Variants in HCK observed in about 807,000 individuals in gnomAD.
HCK encodes the protein tyrosine-protein kinase HCK.
A neutral mutation model predicts 70.4 loss-of-function variants in HCK; 40 were observed. That is an observed-to-expected ratio of 0.57 (90% CI 0.44 to 0.74). The LOEUF (loss-of-function observed/expected upper bound fraction) is 0.74, where lower values mean the gene tolerates loss of function less well. Ranked by LOEUF, HCK falls within the 30% of genes least tolerant of loss-of-function variation. The pLI, the probability that HCK is intolerant of heterozygous loss-of-function variation, is 0.00. For missense variants in HCK, 568 were observed against 697.2 expected, an observed-to-expected ratio of 0.81 and a Z score of 2.09; for synonymous variants, 245 against 263.2, an observed-to-expected ratio of 0.93 and a Z score of 0.67.
At chr20:32,094,812 A>AGAAAGAAAGAAAGAAAGAAG (rs2045929179) in intron 11 of HCK, among the ~76,000 whole-genome samples, 2 of 106,282 alleles carry the variant, frequency 1.9e-5, no homozygotes, top group Admixed American at 2.2e-4. Flanking sequence ...AAAGAAAGAA[A>AGAAAGAAAGAAAGAAAGAAG]GAAAGAAAGA....
At chr20:32,071,949 C>A in intron 2 of HCK, 167 bp downstream of exon 2, 1 of 789,404 alleles carries the variant, frequency 1.3e-6, no homozygotes, top group Non-Finnish European at 1.9e-6. Context: ...GCAGCGCCAG[C>A]CAGCATGCAT....
chr20:32,058,499 C>G (rs2045308734), intron 1 of HCK, among the ~76,000 whole-genome samples: 1 of 148,924 alleles, frequency 6.7e-6, no homozygotes, highest in African/African-American at 2.5e-5. Context: ...CCACTGCACT[C>G]CAGCCTGGGC....
In HCK at chr20:32,094,710, A is replaced by AAAG. The variant is rs769158026; in HGVS notation, c.1246+697_1246+699dup. ...AAAAGAAAAGAAAAGAAAAGAAAAG[A>AAAG]AAGAAAGAAAGAAAGAAAGAAAGAA... On this transcript the variant is annotated intron_variant, in intron 11 of 12. Coordinates refer to ENST00000375852, the MANE Select transcript of HCK (RefSeq NM_002110.5). Among the ~76,000 whole-genome samples, 175 of 50,384 alleles carry AAAG rather than the reference A, an allele frequency of 3.5e-3. 5 individuals carry two copies. Among genetic ancestry groups the AAAG allele is most frequent in the African/African-American group, 7.9e-3 (170 of 21,648 alleles). 33.1% of individuals were successfully genotyped at this position (50,384 alleles called of 152,430 possible).
chr20:32,061,225 G>A (rs1449618106), intron 1 of HCK, among the ~76,000 whole-genome samples: 8 of 152,060 alleles, frequency 5.3e-5, no homozygotes, highest in Non-Finnish European at 4.4e-5. Flanking sequence ...CTTGTGATTC[G>A]CCCGCCTTGG....
At chr20:32,082,202 G>T (rs2045717204) in intron 6 of HCK, among the ~76,000 whole-genome samples, 1 of 152,102 alleles carries the variant, frequency 6.6e-6, no homozygotes, top group African/African-American at 2.4e-5. Flanking sequence ...CTTACCCCAT[G>T]AGGTTATTCA....
intron 5 of HCK, among the ~76,000 whole-genome samples, chr20:32,076,385 GTTT>G (rs2045626654): frequency 6.6e-6 from 1 of 152,034 alleles, no homozygotes. Flanking sequence ...GCTCTTAGCT[GTTT>G]CTCTCTCCTT....
chr20:32,093,733 G>A (rs1383958731), intron 10 of HCK, 130 bp from the exon 11 acceptor site: 10 of 828,790 alleles, frequency 1.2e-5, no homozygotes, highest in African/African-American at 3.5e-5. Context: ...GGGCCCTCCC[G>A]ACACAAAAGG....
chr20:32,085,740 G>A (rs1382015261), intron 8 of HCK, among the ~76,000 whole-genome samples: 6 of 152,078 alleles, frequency 3.9e-5, no homozygotes, highest in African/African-American at 1.4e-4. Context: ...AGCAGGGTGG[G>A]GTGAGGGGAG....
chr20:32,071,849 C>T lies in HCK; in HGVS notation c.183+67C>T, dbSNP rs568600746. The T allele has an allele frequency of 2.6e-6, 4 of 1,565,470 alleles. No individual in the cohort carries two copies. In the South Asian group the frequency reaches 3.6e-5, roughly 14 times the overall value. ...GCTGCCCCAACATTGCCCTAACAGC[C>T]TCCTGTCTTCCCAAGGTTGGGCAGG... On this transcript the variant is annotated intron_variant, in intron 2 of 12. Transcript: ENST00000375852.
At chr20:32,088,673 G>A (rs2045823401) in intron 10 of HCK, 29 bp downstream of exon 10, 1 of 1,583,688 alleles carries the variant, frequency 6.3e-7, no homozygotes, top group African/African-American at 1.4e-5. Flanking sequence ...AACGGGGAAG[G>A]GAAACAGGAA....
Position 32,080,102 on chromosome 20 carries a change from A to G in HCK, c.532+225A>G, listed in dbSNP as rs537918269. On this transcript the variant is annotated intron_variant, in intron 6 of 12. Coordinates refer to ENST00000375852, the MANE Select transcript of HCK (RefSeq NM_002110.5). ...CATAGCTGCCAGCTTAGGTCAGTGG[A>G]ACTAGTGCCAGGTGGCTTAGGCCCT... Among the ~76,000 whole-genome samples, 4 of 152,342 alleles carry G rather than the reference A, an allele frequency of 2.6e-5. No homozygotes were observed. The South Asian group carries it at 8.3e-4, about 32-fold the overall frequency.
intron 1 of HCK, among the ~76,000 whole-genome samples, chr20:32,065,692 TA>T (rs1372074181): frequency 1.3e-5 from 2 of 152,176 alleles, no homozygotes; most frequent in Non-Finnish European, 2.9e-5. Flanking sequence ...CGTATATGCC[TA>T]CAACTGAACC....
intron 10 of HCK, among the ~76,000 whole-genome samples, chr20:32,092,655 C>T (rs961375231): frequency 1.3e-5 from 2 of 152,048 alleles, no homozygotes; most frequent in African/African-American, 4.8e-5. Flanking sequence ...TCCTGACCTA[C>T]AAGGCAGTTC....
chr20:32,077,856 TC>T (rs1471250674), intron 5 of HCK, among the ~76,000 whole-genome samples: 1 of 152,040 alleles, frequency 6.6e-6, no homozygotes, highest in Non-Finnish European at 1.5e-5. Context: ...AGGGCGTCTG[TC>T]CTGTAGATGT....
intron 12 of HCK, among the ~76,000 whole-genome samples, 185 bp downstream of exon 12, chr20:32,099,320 T>C (rs1299951282): frequency 6.6e-6 from 1 of 150,834 alleles, no homozygotes; most frequent in Non-Finnish European, 1.5e-5. Flanking sequence ...GGGGGCTTCC[T>C]TGGCCCTTCC....
chr20:32,085,380 G>A (rs899774231), intron 8 of HCK, among the ~76,000 whole-genome samples: 5 of 152,016 alleles, frequency 3.3e-5, no homozygotes, highest in Non-Finnish European at 7.4e-5. Flanking sequence ...CAGGCGTGGT[G>A]GTGGGAGCCT....
At chr20:32,101,252 G>T in intron 12 of HCK, 65 bp from the exon 13 acceptor site, 1 of 1,476,172 alleles carries the variant, frequency 6.8e-7, no homozygotes, top group Non-Finnish European at 9.3e-7. Flanking sequence ...AGGCCACAGG[G>T]CCTGCCACCC....
chr20:32,064,997 C>T (rs74638193), intron 1 of HCK, among the ~76,000 whole-genome samples: 2,553 of 152,340 alleles, frequency 0.017, 73 homozygotes, highest in African/African-American at 0.058. Flanking sequence ...ATGAGAAATG[C>T]GTATGCAGAA....
chr20:32,088,428 A>G (rs770812190), intron 9 of HCK, 140 bp from the exon 10 acceptor site: 7 of 606,542 alleles, frequency 1.2e-5, no homozygotes, highest in Non-Finnish European at 1.4e-5. Context: ...TAGGAATTGC[A>G]AACAAATATT....
Sources: allele counts gnomAD v4.1 joint callset (sites outside exome capture counted in the v4.1 genomes callset), GRCh38; gene constraint gnomAD v4.1.1; transcripts MANE v1.5; gene names NCBI Gene and HGNC (gene_info 2026-07-23, HGNC 2026-07-21).